FBN1: variants seen among roughly 807,000 people sequenced by gnomAD.
The protein encoded by FBN1 is fibrillin 1.
A neutral mutation model predicts 365.1 loss-of-function variants in FBN1; 29 were observed. The ratio of observed to expected loss-of-function variants is 0.08; its 90% CI spans 0.06 to 0.11. The LOEUF is 0.11. FBN1 is among the 10% of genes least tolerant of loss of function. The pLI, the probability that FBN1 is intolerant of heterozygous loss-of-function variation, is 1.00. For synonymous variants in FBN1, 1,210 were observed against 1,270.5 expected (o/e 0.95, Z 1.01); for missense variants, 2,476 against 3,703.2 (o/e 0.67, Z 8.60).
intron 9 of FBN1, 22 bp downstream of exon 9, chr15:48,526,108 T>C (rs777498510): frequency 1.2e-6 from 2 of 1,613,752 alleles, no homozygotes; most frequent in Admixed American, 3.3e-5. Context: ...AAACCATGCA[T>C]GCTGTTTGTC....
intron 14 of FBN1, among the ~76,000 whole-genome samples, chr15:48,509,428 G>T (rs1374250732): frequency 2.0e-5 from 3 of 146,894 alleles, no homozygotes; most frequent in Admixed American, 6.8e-5. Flanking sequence ...ACATATTTTA[G>T]ATATATATAA....
At chr15:48,432,156 T>C (rs1332690373) in intron 55 of FBN1, among the ~76,000 whole-genome samples, 1 of 152,236 alleles carries the variant, frequency 6.6e-6, no homozygotes, top group African/African-American at 2.4e-5. Context: ...CCCGTTTACA[T>C]GCTCTGAGCT....
chr15:48,582,037 C>G (rs1406528648), intron 6 of FBN1, among the ~76,000 whole-genome samples: 1 of 152,196 alleles, frequency 6.6e-6, no homozygotes, highest in Non-Finnish European at 1.5e-5. Flanking sequence ...TGTGGCATCT[C>G]TGAGGTATTA....
chr15:48,503,869 A>T lies in FBN1; in HGVS notation c.2031T>A (p.Ala677=), dbSNP rs762312642. The change falls in exon 17 of 66, where the codon GCT becomes GCA. Residue 677 remains alanine, a synonymous_variant. Coordinates refer to ENST00000316623, the MANE Select transcript of FBN1 (RefSeq NM_000138.5). ...RGQCIKPLFG[A]VTKSECCCAS... ...CGCAACAGCATTCAGATTTAGTGAC[A>T]GCACCAAACAAAGGTTTGATACACT... 1.1e-5 allele frequency: 18 copies of T among 1,614,244 alleles called. No individual in the cohort carries two copies. Among genetic ancestry groups the T allele is most frequent in the Non-Finnish European group, 1.5e-5 (18 of 1,180,040 alleles).
chr15:48,599,959 T>C (rs897054023), intron 5 of FBN1, among the ~76,000 whole-genome samples, 180 bp downstream of exon 5: 3 of 152,308 alleles, frequency 2.0e-5, no homozygotes, highest in Non-Finnish European at 2.9e-5. Context: ...AAGGTTCCAA[T>C]TGGAAATTTG....
intron 9 of FBN1, among the ~76,000 whole-genome samples, chr15:48,525,089 T>C (rs572153921): frequency 1.4e-4 from 18 of 130,296 alleles, no homozygotes; most frequent in Non-Finnish European, 1.6e-5. Context: ...CTGTCAAATC[T>C]ATTTTTTTTT....
At chr15:48,481,837 C>T in intron 31 of FBN1, 57 bp from the exon 32 acceptor site, 9 of 1,488,482 alleles carry the variant, frequency 6.0e-6, no homozygotes, top group Non-Finnish European at 7.5e-6. Flanking sequence ...TGAGTACTTT[C>T]CCCTCGAGAC....
chr15:48,528,080 TA>T (rs2043930687), intron 8 of FBN1, among the ~76,000 whole-genome samples: 1 of 152,224 alleles, frequency 6.6e-6, no homozygotes, highest in Non-Finnish European at 1.5e-5. Context: ...AAAGTGTCCC[TA>T]AAAGTTAGTA....
intron 43 of FBN1, 138 bp downstream of exon 43, chr15:48,460,108 C>A: frequency 2.8e-6 from 2 of 709,198 alleles, no homozygotes; most frequent in East Asian, 5.4e-5. Flanking sequence ...TTGTTTCAAA[C>A]TAAGAATCAG....
chr15:48,507,292 T>G (rs1250991276), intron 15 of FBN1, among the ~76,000 whole-genome samples: 2 of 152,200 alleles, frequency 1.3e-5, no homozygotes, highest in Non-Finnish European at 2.9e-5. Context: ...AATCATTCTC[T>G]TCCCTTTTCT....
Position 48,510,081 on chromosome 15 carries a change from C to T in FBN1, c.1677G>A (p.Ala559=), listed in dbSNP as rs1403102093. ...TDGSFHCVCN[A]GFHVTRDGKN... ...TCCCATCTCGTGTAACATGAAAGCC[C>T]GCATTACACACGCAATGAAAACTGC... Residue 559 remains alanine, a synonymous_variant, in exon 14 of 66, where the codon GCG becomes GCA. Transcript: ENST00000316623. 5 of 1,613,374 alleles carry T rather than the reference C, an allele frequency of 3.1e-6. No individual in the cohort carries two copies. The highest frequency in any genetic ancestry group is 2.2e-5 in the East Asian group (1 of 44,842).
rs188938617 is a variant in FBN1, at chr15:48,432,709, A to T, written c.6739+157T>A. 4.0e-4 allele frequency among the ~76,000 whole-genome samples: 61 copies of T among 152,242 alleles called. 1 individual carries two copies. In the East Asian group the frequency reaches 0.011, roughly 28 times the overall value. ...TTGGCTTGATGATGCTTCCAGCTAC[A>T]ATTTAGGGGGAAACGTGGCAGTGAC... On this transcript the variant is annotated intron_variant, in intron 55 of 65. Transcript: ENST00000316623.
At chr15:48,474,923 G>A (rs2043407604) in intron 32 of FBN1, among the ~76,000 whole-genome samples, 1 of 152,090 alleles carries the variant, frequency 6.6e-6, no homozygotes, top group African/African-American at 2.4e-5. Flanking sequence ...ACTTTTTACA[G>A]CTGAAGACCA....
At chr15:48,538,934 T>C (rs1252144814) in intron 6 of FBN1, among the ~76,000 whole-genome samples, 1 of 152,226 alleles carries the variant, frequency 6.6e-6, no homozygotes, top group African/African-American at 2.4e-5. Context: ...ATGAAACTAC[T>C]GGGATGCTTT....
intron 6 of FBN1, among the ~76,000 whole-genome samples, chr15:48,588,375 T>G (rs1022780868): frequency 2.6e-5 from 4 of 152,238 alleles, no homozygotes; most frequent in African/African-American, 9.6e-5. Flanking sequence ...CACATTATAT[T>G]TCTATTGTTC....
At chr15:48,589,557 G>A (rs184157570) in intron 6 of FBN1, among the ~76,000 whole-genome samples, 22 of 150,992 alleles carry the variant, frequency 1.5e-4, no homozygotes, top group African/African-American at 4.6e-4. Flanking sequence ...CACTGTAGAC[G>A]CACAGTAACA....
intron 47 of FBN1, among the ~76,000 whole-genome samples, chr15:48,446,501 A>G (rs1335466268): frequency 6.6e-6 from 1 of 152,218 alleles, no homozygotes; most frequent in African/African-American, 2.4e-5. Flanking sequence ...TGGGGGTCTC[A>G]GAATGTATCC....
intron 6 of FBN1, among the ~76,000 whole-genome samples, chr15:48,558,273 AT>A (rs1271607067): frequency 2.0e-5 from 3 of 152,352 alleles, no homozygotes; most frequent in East Asian, 1.9e-4. Flanking sequence ...CACATAAAAA[AT>A]TATAAACACT....
At chr15:48,580,699 G>A (rs924477676) in intron 6 of FBN1, among the ~76,000 whole-genome samples, 25 of 152,118 alleles carry the variant, frequency 1.6e-4, no homozygotes, top group African/African-American at 6.0e-4. Flanking sequence ...GTGACCAAAT[G>A]TTTCTCAGGG....
Sources: gnomAD v4.1 joint callset for allele counts (sites outside exome capture counted in the v4.1 genomes callset) on GRCh38, gnomAD v4.1.1 for gene constraint, MANE v1.5 for transcripts, NCBI Gene and HGNC (gene_info 2026-07-23, HGNC 2026-07-21) for gene names.